Variants in KCTD16 observed in about 807,000 individuals in gnomAD.
KCTD16 encodes the protein BTB/POZ domain-containing protein KCTD16.
A neutral mutation model predicts 33.2 loss-of-function variants in KCTD16; 13 were observed. The ratio of observed to expected loss-of-function variants is 0.39; its 90% CI spans 0.25 to 0.62. The LOEUF (loss-of-function observed/expected upper bound fraction) is 0.62. Ranked by LOEUF, KCTD16 falls within the 20% of genes least tolerant of loss-of-function variation. The pLI, the probability that KCTD16 is intolerant of heterozygous loss-of-function variation, is 0.50. For synonymous variants in KCTD16, 197 were observed against 195.3 expected (o/e 1.01, Z -0.07); for missense variants, 441 against 525.1 (o/e 0.84, Z 1.57).
chr5:144,285,960 A>G (rs1406964890), intron 3 of KCTD16, among the ~76,000 whole-genome samples: 1 of 131,194 alleles, frequency 7.6e-6, no homozygotes, highest in Non-Finnish European at 1.6e-5. Context: ...TGCCATCCTA[A>G]TCTTTTTTTT....
chr5:144,387,107 C>T (rs1429498132), intron 3 of KCTD16, among the ~76,000 whole-genome samples: 1 of 151,300 alleles, frequency 6.6e-6, no homozygotes. Context: ...GCTGTGACTA[C>T]AGGCATGCGC....
Position 144,378,212 on chromosome 5 carries a change from G to A in KCTD16, c.833-95448G>A, listed in dbSNP as rs187155568. On this transcript the variant is annotated intron_variant, in intron 3 of 3. Transcript: ENST00000512467. ...ACTAGCCTGGAGGTTGGGGTAGGAA[G>A]GTATATTTAGAATTGCAGGAAAAAT... 8.3e-4 allele frequency among the ~76,000 whole-genome samples: 127 copies of A among 152,164 alleles called. 1 individual carries two copies. Among genetic ancestry groups the A allele is most frequent in the Middle Eastern group, 6.8e-3 (2 of 294 alleles).
chr5:144,410,049 AGC>A (rs1328452527), intron 3 of KCTD16, among the ~76,000 whole-genome samples: 7 of 152,182 alleles, frequency 4.6e-5, no homozygotes, highest in Admixed American at 4.6e-4. Flanking sequence ...AAGAGGCACT[AGC>A]ATGTACTAAA....
chr5:144,307,602 A>G (rs528310748), intron 3 of KCTD16, among the ~76,000 whole-genome samples: 13 of 152,314 alleles, frequency 8.5e-5, no homozygotes, highest in African/African-American at 3.1e-4. Context: ...ACAGTTTGCA[A>G]ATGGTGGAGA....
Position 144,207,544 on chromosome 5 carries a change from A to G in KCTD16, c.830A>G (p.Tyr277Cys), listed in dbSNP as rs1554080635. 6.2e-7 allele frequency: 1 copy of G among 1,605,748 alleles called. No homozygotes were observed. The highest frequency in any genetic ancestry group is 8.5e-7 in the Non-Finnish European group (1 of 1,174,182). The change falls in exon 3 of 4, where the codon TAC (tyrosine) becomes TGC (cysteine). Residue 277 changes from tyrosine (Y) to cysteine (C), a missense_variant and splice_region_variant. Around this residue, in one of 3 missense-constraint regions of KCTD16, gnomAD observed 355 missense variants for 413.0 expected, o/e 0.86. Coordinates refer to ENST00000512467, the MANE Select transcript of KCTD16 (RefSeq NM_020768.4). The stretch of plus-strand genomic sequence containing the variant: ...TCAAGCTACACTGAATATGTCTTCT[A>G]CCGTAAGTACAAAGGGTTGTTTTAA... ...IWSSYTEYVFYREPSRWSPSH... is the reference protein window; with the variant it reads ...IWSSYTEYVFCREPSRWSPSH...
intron 3 of KCTD16, among the ~76,000 whole-genome samples, chr5:144,303,692 A>C: frequency 6.6e-6 from 1 of 151,934 alleles, no homozygotes; most frequent in Non-Finnish European, 1.5e-5. Flanking sequence ...TAATGCAAGG[A>C]CTAGGTGGGG....
At chr5:144,360,376 T>C (rs1751681199) in intron 3 of KCTD16, among the ~76,000 whole-genome samples, 2 of 152,156 alleles carry the variant, frequency 1.3e-5, no homozygotes, top group Admixed American at 1.3e-4. Flanking sequence ...CTGTGTTAGT[T>C]TGCTGAGAAT....
intron 3 of KCTD16, among the ~76,000 whole-genome samples, chr5:144,323,117 A>G (rs970456780): frequency 6.6e-6 from 1 of 152,270 alleles, no homozygotes; most frequent in South Asian, 2.1e-4. Flanking sequence ...TAGAACTGCA[A>G]ATGCAAACTA....
intron 3 of KCTD16, among the ~76,000 whole-genome samples, chr5:144,322,397 G>T (rs915837196): frequency 6.6e-6 from 1 of 151,966 alleles, no homozygotes; most frequent in Non-Finnish European, 1.5e-5. Context: ...GCTAATCCTG[G>T]GACTTTCTAG....
intron 3 of KCTD16, among the ~76,000 whole-genome samples, chr5:144,426,591 G>A (rs950283334): frequency 6.6e-5 from 10 of 151,998 alleles, no homozygotes; most frequent in African/African-American, 2.4e-4. Context: ...CTTGTTTTCT[G>A]CTACTGTAAC....
intron 3 of KCTD16, among the ~76,000 whole-genome samples, chr5:144,312,150 T>G (rs1282491975): frequency 6.6e-6 from 1 of 152,166 alleles, no homozygotes; most frequent in Non-Finnish European, 1.5e-5. Flanking sequence ...TGCTCCGAAT[T>G]ATCCCAAATC....
chr5:144,440,538 A>G (rs1202427168), intron 3 of KCTD16, among the ~76,000 whole-genome samples: 4 of 151,954 alleles, frequency 2.6e-5, no homozygotes, highest in Non-Finnish European at 5.9e-5. Flanking sequence ...GTGTGAAGTA[A>G]TATTTCACTG....
At chr5:144,226,259 G>A (rs1753927534) in intron 3 of KCTD16, among the ~76,000 whole-genome samples, 1 of 152,138 alleles carries the variant, frequency 6.6e-6, no homozygotes, top group Admixed American at 6.5e-5. Context: ...CTATTTTACA[G>A]ATAAGAAGAC....
intron 2 of KCTD16, among the ~76,000 whole-genome samples, chr5:144,196,781 T>C (rs1176329963): frequency 1.3e-5 from 2 of 152,196 alleles, no homozygotes; most frequent in African/African-American, 2.4e-5. Flanking sequence ...TTTCAAACAA[T>C]TGTCTGATGT....
chr5:144,355,710 G>A (rs1219219806), intron 3 of KCTD16, among the ~76,000 whole-genome samples: 1 of 151,578 alleles, frequency 6.6e-6, no homozygotes. Context: ...GTCCTTCATC[G>A]CCAATCTCCA....
intron 3 of KCTD16, among the ~76,000 whole-genome samples, chr5:144,424,475 A>AGCAGTTT (rs1753279031): frequency 6.6e-6 from 1 of 152,124 alleles, no homozygotes; most frequent in African/African-American, 2.4e-5. Context: ...ACAAAATCTA[A>AGCAGTTT]AGGCCTTGAT....
chr5:144,409,418 C>T (rs961808433), intron 3 of KCTD16, among the ~76,000 whole-genome samples: 10 of 152,072 alleles, frequency 6.6e-5, no homozygotes, highest in African/African-American at 2.2e-4. Context: ...TGACATAATT[C>T]TTGGGACACT....
At chr5:144,322,271 AG>A (rs1407302184) in intron 3 of KCTD16, among the ~76,000 whole-genome samples, 1 of 152,164 alleles carries the variant, frequency 6.6e-6, no homozygotes, top group Non-Finnish European at 1.5e-5. Flanking sequence ...CAAGTCTATG[AG>A]GGAACCATCT....
intron 3 of KCTD16, among the ~76,000 whole-genome samples, chr5:144,392,093 A>G (rs1274444969): frequency 6.6e-6 from 1 of 152,236 alleles, no homozygotes; most frequent in East Asian, 1.9e-4. Flanking sequence ...TATTAAATGT[A>G]TGTTATAATA....
Sources: gnomAD v4.1 joint callset for allele counts (sites outside exome capture counted in the v4.1 genomes callset) on GRCh38, gnomAD v4.1.1 for gene constraint, gnomAD v4.1.1 regional missense constraint, MANE v1.5 for transcripts, NCBI Gene and HGNC (gene_info 2026-07-23, HGNC 2026-07-21) for gene names.